The following TPD52L2 variants were observed in gnomAD, a reference collection of about 807,000 sequenced individuals.
The protein encoded by TPD52L2 is TPD52 like 2, also known as tumor protein D54.
Under a neutral mutation model 24.7 loss-of-function variants are expected in TPD52L2, and 19 were observed. That is an observed-to-expected ratio of 0.77 (90% CI 0.54 to 1.13). The LOEUF (loss-of-function observed/expected upper bound fraction) is 1.13. Ranked by LOEUF, TPD52L2 falls within the 50% of genes most tolerant of loss-of-function variation. TPD52L2 has a pLI of 0.00. For synonymous variants in TPD52L2, 104 were observed against 100.2 expected, an observed-to-expected ratio of 1.04 and a Z score of -0.23; for missense variants, 236 against 250.4, an observed-to-expected ratio of 0.94 and a Z score of 0.39.
chr20:63,888,906 A>C, intron 5 of TPD52L2: 1 of 521,960 alleles, frequency 1.9e-6, no homozygotes, highest in Admixed American at 3.1e-5. Flanking sequence ...CCTGTAGGGT[A>C]TGACAGAGAG....
Position 63,886,522 on chromosome 20 carries a change from C to A in TPD52L2, c.477-2668C>A, listed in dbSNP as rs957578301. Among the ~76,000 whole-genome samples, 5 of 152,164 alleles carry A rather than the reference C, an allele frequency of 3.3e-5. No individual in the cohort carries two copies. In the South Asian group the frequency reaches 8.3e-4, roughly 25 times the overall value. On this transcript the variant is annotated intron_variant, in intron 5 of 6. Transcript: ENST00000346249. Reference sequence around the variant, plus strand: ...GACTACAGGCGCCCGCCGCCACGCCCGGCTAATTTTTTGTATTTTTAGTAG... The same window carrying A: ...GACTACAGGCGCCCGCCGCCACGCCAGGCTAATTTTTTGTATTTTTAGTAG...
At chr20:63,889,698 G>C in intron 6 of TPD52L2, 152 bp from the exon 7 acceptor site, 1 of 693,974 alleles carries the variant, frequency 1.4e-6, no homozygotes, top group Non-Finnish European at 2.4e-6. Flanking sequence ...ACCTGTTGGG[G>C]CTGGTGCCCG....
At chr20:63,888,128 G>A (rs962164170) in intron 5 of TPD52L2, 7 of 161,208 alleles carry the variant, frequency 4.3e-5, no homozygotes, top group Non-Finnish European at 8.2e-5. Flanking sequence ...GTCAGGCACC[G>A]CCCTGATTCT....
rs949994501 is a variant in TPD52L2 at position 63,875,675 on chromosome 20, G to T, written c.315-141G>T. 5 of 775,414 alleles carry T rather than the reference G, an allele frequency of 6.4e-6. No individual in the cohort carries two copies. In the Admixed American group the frequency reaches 1.1e-4, roughly 17 times the overall value. 48.0% of individuals were successfully genotyped at this position (775,414 alleles called of 1,614,324 possible). ...TGCACAGGGCCTGGTTGAGGCAGTG[G>T]ACCCCATTTTTGGGCCGTCTGTGGA... On this transcript the variant is annotated intron_variant, in intron 3 of 6. Transcript: ENST00000346249.
chr20:63,868,756 C>T (rs905961081), intron 1 of TPD52L2, among the ~76,000 whole-genome samples: 13 of 152,106 alleles, frequency 8.5e-5, no homozygotes, highest in African/African-American at 2.2e-4. Flanking sequence ...CCAGCCTGGC[C>T]GACATGACGA....
chr20:63,876,345 G>T (rs1452316357), intron 4 of TPD52L2, among the ~76,000 whole-genome samples: 1 of 152,198 alleles, frequency 6.6e-6, no homozygotes. Context: ...GGAGGGCATG[G>T]TGTAGGATAT....
Position 63,871,275 on chromosome 20 carries a change from T to G in TPD52L2, c.165+1834T>G, listed in dbSNP as rs1489011956. Among the ~76,000 whole-genome samples, 4 of 151,984 alleles carry G rather than the reference T, an allele frequency of 2.6e-5. No individual in the cohort carries two copies. In the East Asian group the frequency reaches 7.7e-4, roughly 29 times the overall value. ...CCAGGCTGGTCCCGAACTCCGAGTC[T>G]CAAGAGCTCCACCTGGCTCAGCCTC... is the stretch of plus-strand genomic sequence containing the variant. On this transcript the variant is annotated intron_variant, in intron 2 of 6. Coordinates refer to ENST00000346249, the MANE Select transcript of TPD52L2 (RefSeq NM_003288.4).
rs1203520881 is a variant in TPD52L2, at chr20:63,874,287, G to T, written c.314+471G>T. The stretch of plus-strand genomic sequence containing the variant: ...AGTAGAGATGGGGTTTCACCATGTT[G>T]GCCAGGCTGGTCTTGAACTCCTGAC... On this transcript the variant is annotated intron_variant, in intron 3 of 6. Coordinates refer to ENST00000346249, the MANE Select transcript of TPD52L2 (RefSeq NM_003288.4). Among the ~76,000 whole-genome samples, 15 of 149,650 alleles carry T rather than the reference G, an allele frequency of 1.0e-4. No individual in the cohort carries two copies. The Admixed American group carries it at 1.0e-3, about 10-fold the overall frequency.
chr20:63,870,785 T>A (rs2052433778), intron 2 of TPD52L2, among the ~76,000 whole-genome samples: 1 of 151,354 alleles, frequency 6.6e-6, no homozygotes, highest in African/African-American at 2.4e-5. Context: ...TGGTGTGATC[T>A]CGGCTCGCTG....
intron 1 of TPD52L2, among the ~76,000 whole-genome samples, chr20:63,867,902 T>C (rs963018355): frequency 6.6e-6 from 1 of 150,792 alleles, no homozygotes; most frequent in African/African-American, 2.4e-5. Flanking sequence ...CCTCCCAAAG[T>C]GCTGGGATTA....
At chr20:63,885,991 C>T (rs1568959227) in intron 5 of TPD52L2, 4 of 1,614,122 alleles carry the variant, frequency 2.5e-6, no homozygotes, top group Non-Finnish European at 3.4e-6. Flanking sequence ...TTCGTTTCCT[C>T]TTCTCTCCTG....
At chr20:63,889,150 T>G (rs756537627) in intron 5 of TPD52L2, 40 bp from the exon 6 acceptor site, 1 of 1,595,022 alleles carries the variant, frequency 6.3e-7, no homozygotes. Flanking sequence ...AGCACAACCC[T>G]CTCCTCTTGA....
intron 2 of TPD52L2, 69 bp from the exon 3 acceptor site, chr20:63,873,599 C>T: frequency 6.5e-7 from 1 of 1,538,630 alleles, no homozygotes. Flanking sequence ...ACTCATGGCA[C>T]TGTGCATGAG....
intron 4 of TPD52L2, among the ~76,000 whole-genome samples, chr20:63,880,986 T>A (rs533509528): frequency 3.7e-4 from 56 of 150,966 alleles, no homozygotes; most frequent in Non-Finnish European, 5.6e-4. Context: ...GAAGAAAAAA[T>A]TTAAAAACAG....
At chr20:63,886,277 G>GC (rs1277999116) in intron 5 of TPD52L2, among the ~76,000 whole-genome samples, 1 of 151,992 alleles carries the variant, frequency 6.6e-6, no homozygotes, top group Non-Finnish European at 1.5e-5. Context: ...CCCTCCTCGT[G>GC]CTTCCCTTCA....
chr20:63,880,619 G>A (rs1171712306), intron 4 of TPD52L2, among the ~76,000 whole-genome samples: 1 of 152,186 alleles, frequency 6.6e-6, no homozygotes, highest in East Asian at 1.9e-4. Context: ...GGCTGGGCAC[G>A]GTGGCTCACA....
intron 5 of TPD52L2, among the ~76,000 whole-genome samples, chr20:63,885,783 A>T (rs1600833786): frequency 6.6e-6 from 1 of 152,226 alleles, no homozygotes; most frequent in Non-Finnish European, 1.5e-5. Context: ...GTTGCTAGTC[A>T]TGATCTTGCG....
intron 3 of TPD52L2, among the ~76,000 whole-genome samples, 192 bp downstream of exon 3, chr20:63,874,008 T>C (rs2052565763): frequency 1.3e-5 from 2 of 152,140 alleles, no homozygotes; most frequent in Admixed American, 1.3e-4. Context: ...TTCAAAAAGC[T>C]TGGTGTCTAC....
rs749241711 is a variant in TPD52L2 at position 63,890,506 on chromosome 20, C to T, written c.*561C>T. 1.3e-4 allele frequency: 20 copies of T among 154,222 alleles called. No individual in the cohort carries two copies. The highest frequency in any genetic ancestry group is 5.2e-4 in the Admixed American group (8 of 15,324). The allele number at this position is 154,222 out of a possible 1,614,324, so 9.6% of individuals were successfully genotyped here. ...GATTGTTACGCGAATCTAGCTTTAA[C>T]GGAAGCAAATTCATTATTTTTTAAA... On this transcript the variant is annotated 3_prime_UTR_variant, in exon 7 of 7. Transcript: ENST00000346249.
Sources: allele counts gnomAD v4.1 joint callset (sites outside exome capture counted in the v4.1 genomes callset), GRCh38; gene constraint gnomAD v4.1.1; transcripts MANE v1.5; gene names NCBI Gene and HGNC (gene_info 2026-07-23, HGNC 2026-07-21).